The following CACNB2 variants were observed in gnomAD, a reference collection of about 807,000 sequenced individuals.
CACNB2 encodes calcium voltage-gated channel auxiliary subunit beta 2.
In CACNB2, 42 loss-of-function variants were observed where a neutral mutation model predicts 73.3. The observed-to-expected ratio is 0.57, with a 90% confidence interval of 0.45 to 0.74. CACNB2 has a LOEUF of 0.74. Among genes scored for constraint, CACNB2 ranks in the 30% least tolerant of loss-of-function variants. CACNB2 has a pLI of 0.00. For missense variants in CACNB2, 940 were observed against 853.0 expected, an observed-to-expected ratio of 1.10 and a Z score of -1.27; for synonymous variants, 348 against 310.3, an observed-to-expected ratio of 1.12 and a Z score of -1.28.
intron 2 of CACNB2, among the ~76,000 whole-genome samples, chr10:18,312,072 C>CT: frequency 6.6e-6 from 1 of 152,214 alleles, no homozygotes; most frequent in Middle Eastern, 3.4e-3. Context: ...TGCTTCTTAT[C>CT]TTTTTTAAGC....
chr10:18,483,938 G>A (rs533192882), intron 3 of CACNB2, among the ~76,000 whole-genome samples: 5 of 152,288 alleles, frequency 3.3e-5, no homozygotes, highest in South Asian at 2.1e-4. Context: ...GAGTGGAACC[G>A]CGGTGACAAA....
chr10:18,442,958 G>GTATA (rs375916403), intron 3 of CACNB2, among the ~76,000 whole-genome samples: 1,123 of 22,068 alleles, frequency 0.051, 134 homozygotes, highest in East Asian at 0.33. Context: ...ATATATATAT[G>GTATA]TATATATATA....
At chr10:18,355,566 A>G (rs2041872595) in intron 2 of CACNB2, among the ~76,000 whole-genome samples, 2 of 151,988 alleles carry the variant, frequency 1.3e-5, no homozygotes, top group Admixed American at 6.6e-5. Context: ...TCCTAGTTAT[A>G]ATCACAAAAG....
chr10:18,541,322 C>T lies in CACNB2; in HGVS notation c.*1598C>T, dbSNP rs1461373230. 6.6e-6 allele frequency: 1 copy of T among 152,630 alleles called. No homozygotes were observed. Among genetic ancestry groups the T allele is most frequent in the East Asian group, 1.9e-4 (1 of 5,196 alleles). 9.5% of individuals were successfully genotyped at this position (152,630 alleles called of 1,614,324 possible). On this transcript the variant is annotated 3_prime_UTR_variant, in exon 14 of 14. Coordinates refer to ENST00000324631, the MANE Select transcript of CACNB2 (RefSeq NM_201596.3). ...GTTAAGAATATTATCCTACATAAGA[C>T]ATGTACACAGAAGGGGAACCTTGAA...
chr10:18,164,942 A>G (rs894680125), intron 2 of CACNB2, among the ~76,000 whole-genome samples: 1 of 152,134 alleles, frequency 6.6e-6, no homozygotes, highest in African/African-American at 2.4e-5. Context: ...TCATTTATTC[A>G]TTCATTTTTT....
At chr10:18,352,319 C>A (rs2041743752) in intron 2 of CACNB2, among the ~76,000 whole-genome samples, 1 of 152,204 alleles carries the variant, frequency 6.6e-6, no homozygotes, top group Non-Finnish European at 1.5e-5. Flanking sequence ...TTAATTCTTA[C>A]AACACCAACA....
chr10:18,337,120 CTTCTTCTTTTTT>C (rs985894522), intron 2 of CACNB2, among the ~76,000 whole-genome samples: 2 of 151,766 alleles, frequency 1.3e-5, no homozygotes, highest in African/African-American at 4.8e-5. Flanking sequence ...TCTCTTCTTT[CTTCTTCTTTTTT>C]TTCTTCTTTC....
intron 2 of CACNB2, among the ~76,000 whole-genome samples, chr10:18,272,097 C>A (rs982530950): frequency 6.6e-6 from 1 of 151,814 alleles, no homozygotes; most frequent in Admixed American, 6.6e-5. Context: ...CAGAGTGTCC[C>A]ATTGACTTCT....
intron 2 of CACNB2, among the ~76,000 whole-genome samples, chr10:18,243,852 C>T (rs1354703955): frequency 1.3e-5 from 2 of 152,208 alleles, no homozygotes; most frequent in Non-Finnish European, 2.9e-5. Flanking sequence ...AAATAAACCT[C>T]TTTTCTTTAT....
At chr10:18,514,128 C>A in intron 6 of CACNB2, 108 bp from the exon 7 acceptor site, 1 of 1,157,286 alleles carries the variant, frequency 8.6e-7, no homozygotes, top group African/African-American at 1.5e-5. Flanking sequence ...GTTGAGCACT[C>A]ATGATAGTTT....
At chr10:18,433,056 T>A (rs1366643885) in intron 3 of CACNB2, among the ~76,000 whole-genome samples, 2 of 152,002 alleles carry the variant, frequency 1.3e-5, no homozygotes, top group Non-Finnish European at 2.9e-5. Context: ...TTTTTTACCT[T>A]GTTAGAAAGT....
intron 3 of CACNB2, among the ~76,000 whole-genome samples, chr10:18,445,847 A>C (rs565725039): frequency 6.6e-6 from 1 of 152,356 alleles, no homozygotes; most frequent in South Asian, 2.1e-4. Context: ...CAGCCTGGTC[A>C]ACATGGTGAA....
intron 2 of CACNB2, among the ~76,000 whole-genome samples, chr10:18,273,946 T>C (rs2038165446): frequency 1.3e-5 from 2 of 152,226 alleles, no homozygotes; most frequent in African/African-American, 4.8e-5. Context: ...GAATTTCTTC[T>C]TGTTGTTGTT....
chr10:18,199,149 T>G (rs2034760171), intron 2 of CACNB2, among the ~76,000 whole-genome samples: 1 of 152,150 alleles, frequency 6.6e-6, no homozygotes, highest in Non-Finnish European at 1.5e-5. Flanking sequence ...GAAGGTACCA[T>G]CCAGCTCTTT....
chr10:18,458,379 A>G (rs999349632), intron 3 of CACNB2, among the ~76,000 whole-genome samples: 4 of 152,190 alleles, frequency 2.6e-5, no homozygotes, highest in African/African-American at 9.6e-5. Context: ...GTGAATTCCT[A>G]CTTGCATTGA....
At chr10:18,432,039 A>G (rs191363769) in intron 3 of CACNB2, among the ~76,000 whole-genome samples, 301 of 152,360 alleles carry the variant, frequency 2.0e-3, no homozygotes, top group African/African-American at 6.9e-3. Context: ...CTGGGATTAC[A>G]GGCATGAGCC....
In CACNB2 at chr10:18,383,715, G is replaced by GT. The variant is rs76540484; in HGVS notation, c.214-18200dup. 6.6e-5 allele frequency among the ~76,000 whole-genome samples: 10 copies of GT among 151,430 alleles called. 1 individual carries two copies. Among genetic ancestry groups the GT allele is most frequent in the South Asian group, 4.2e-4 (2 of 4,794 alleles). Reference sequence around the variant, plus strand: ...ACAGAGTAGCGAATAGAGTGCCATTGTTTTTTTTTAAATGGAATCTTGCTC... The same window carrying GT: ...ACAGAGTAGCGAATAGAGTGCCATTGTTTTTTTTTTAAATGGAATCTTGCTC... On this transcript the variant is annotated intron_variant, in intron 2 of 13. Transcript: ENST00000324631.
intron 3 of CACNB2, among the ~76,000 whole-genome samples, chr10:18,464,858 A>G (rs2047789363): frequency 6.6e-6 from 1 of 152,248 alleles, no homozygotes; most frequent in Non-Finnish European, 1.5e-5. Flanking sequence ...TAGAACATGC[A>G]GATTCTAGTG....
chr10:18,520,549 G>C (rs999916057), intron 9 of CACNB2, among the ~76,000 whole-genome samples: 3 of 152,144 alleles, frequency 2.0e-5, no homozygotes, highest in Non-Finnish European at 2.9e-5. Flanking sequence ...ATGTGAGCTA[G>C]TGCCCACCAC....
Sources: allele counts gnomAD v4.1 joint callset (sites outside exome capture counted in the v4.1 genomes callset), GRCh38; gene constraint gnomAD v4.1.1; transcripts MANE v1.5; gene names NCBI Gene and HGNC (gene_info 2026-07-23, HGNC 2026-07-21).